AHR: variants seen among roughly 807,000 people sequenced by gnomAD.
AHR encodes the protein AH-receptor.
Under a neutral mutation model 86.8 loss-of-function variants are expected in AHR, and 40 were observed. That is an observed-to-expected ratio of 0.46 (90% confidence interval 0.36 to 0.60). The LOEUF (loss-of-function observed/expected upper bound fraction) is 0.60. Among genes scored for constraint, AHR ranks in the 20% least tolerant of loss-of-function variants. The pLI is 0.00. For missense variants in AHR, 1,001 were observed against 1,011.6 expected (o/e 0.99, Z 0.14); for synonymous variants, 398 against 354.9 (o/e 1.12, Z -1.37).
At chr7:17,340,868 G>C (rs1213036279) in intron 10 of AHR, among the ~76,000 whole-genome samples, 1 of 151,924 alleles carries the variant, frequency 6.6e-6, no homozygotes, top group African/African-American at 2.4e-5. Context: ...AGGTAACTCA[G>C]CTGGCTTTCT....
At chr7:17,299,479 C>A in intron 1 of AHR, 150 bp downstream of exon 1, 2 of 853,338 alleles carry the variant, frequency 2.3e-6, no homozygotes, top group Non-Finnish European at 3.5e-6. Context: ...TGGAGGCCGG[C>A]TGGGAGACAG....
In AHR at chr7:17,299,180, C is replaced by A; in HGVS notation, c.-85C>A. 7.0e-7 allele frequency: 1 copy of A among 1,434,796 alleles called. No individual in the cohort carries two copies. The highest frequency in any genetic ancestry group is 2.7e-5 in the East Asian group (1 of 36,530). 88.9% of individuals were successfully genotyped at this position (1,434,796 alleles called of 1,614,324 possible). A position where few individuals can be genotyped will look rare whatever the true frequency, so the allele number is the denominator to read the frequency against. ...CGGCTTCGCGGAACCCGGCGCCGGC[C>A]GCCGCAGTGGTCCCAGCCTACACCG... On this transcript the variant is annotated 5_prime_UTR_variant, in exon 1 of 11. Coordinates refer to ENST00000242057, the MANE Select transcript of AHR (RefSeq NM_001621.5).
chr7:17,305,934 T>G (rs1034264604), intron 1 of AHR, among the ~76,000 whole-genome samples: 2 of 152,158 alleles, frequency 1.3e-5, no homozygotes, highest in African/African-American at 4.8e-5. Flanking sequence ...CAGTTAAAGC[T>G]TGCAGGGCTT....
chr7:17,336,060 T>TA (rs1284348908), intron 9 of AHR: 4 of 277,120 alleles, frequency 1.4e-5, no homozygotes, highest in Non-Finnish European at 2.7e-5. Context: ...GTGTCATTGG[T>TA]AAAAAAGAAG....
chr7:17,307,092 G>C lies in AHR; in HGVS notation c.66-2844G>C, dbSNP rs114996787. Among the ~76,000 whole-genome samples, 349 of 152,186 alleles carry C rather than the reference G, an allele frequency of 2.3e-3. 2 individuals are homozygous for C. Among genetic ancestry groups the C allele is most frequent in the African/African-American group, 8.1e-3 (338 of 41,484 alleles). On this transcript the variant is annotated intron_variant, in intron 1 of 10. Transcript: ENST00000242057. ...GACAATTTTGCATTATGAAAAGCAA[G>C]CCTCAGAATCTAGTGTGAGGCTGAA...
At chr7:17,341,907 G>C (rs2092744223) in intron 10 of AHR, among the ~76,000 whole-genome samples, 1 of 152,090 alleles carries the variant, frequency 6.6e-6, no homozygotes, top group Non-Finnish European at 1.5e-5. Context: ...GACATGAATT[G>C]TGTTATGAGT....
At chr7:17,317,116 G>GTTTTTTTTTTTTTTT (rs66779121) in intron 2 of AHR, among the ~76,000 whole-genome samples, 5 of 123,684 alleles carry the variant, frequency 4.0e-5, no homozygotes, top group Non-Finnish European at 8.1e-5. Context: ...GGAGAATTTT[G>GTTTTTTTTTTTTTTT]TTTTTTTTTT....
Position 17,330,827 on chromosome 7 carries a change from A to AT in AHR, c.647dup (p.Met216IlefsTer15). On this transcript the variant is annotated frameshift_variant, in exon 6 of 11. Transcript: ENST00000242057. LOFTEE classifies it high-confidence loss of function. The stretch of plus-strand genomic sequence containing the variant: ...GATTCCTCCAGAAAACTCTCCTTTA[A>AT]TGGAGAGGTGCTTCATATGTCGTCT... The AT allele has an allele frequency of 6.2e-7, 1 of 1,612,442 alleles. No individual in the cohort carries two copies.
At chr7:17,322,393 TG>T (rs1562478188) in intron 2 of AHR, 107 bp from the exon 3 acceptor site, 1 of 687,490 alleles carries the variant, frequency 1.5e-6, no homozygotes, top group Non-Finnish European at 2.5e-6. Flanking sequence ...AAAATACCAG[TG>T]GATGCCAGTA....
rs180805424 is a variant in AHR, at chr7:17,326,454, C to A, written c.361-1305C>A. 2.5e-4 allele frequency among the ~76,000 whole-genome samples: 38 copies of A among 152,254 alleles called. No individual in the cohort carries two copies. In the East Asian group the frequency reaches 6.0e-3, roughly 24 times the overall value. ...TCCCAGTACTTAGCATACATATCTC[C>A]TCTTGGGTATGTAATAGTTTATTAC... On this transcript the variant is annotated intron_variant, in intron 3 of 10. Transcript: ENST00000242057.
intron 1 of AHR, among the ~76,000 whole-genome samples, chr7:17,303,209 A>G (rs1444699864): frequency 6.6e-6 from 1 of 152,052 alleles, no homozygotes; most frequent in African/African-American, 2.4e-5. Flanking sequence ...CTTCATTTTT[A>G]TAATAGTACT....
chr7:17,299,348 T>G lies in AHR; in HGVS notation c.65+19T>G, dbSNP rs1584026322. ...AGAAAACGTGAGTGTCCCGAGCGCGTCCTCATCGCGGGGGCTGGGCGCTCA... is the reference window on the plus strand; with the variant it reads ...AGAAAACGTGAGTGTCCCGAGCGCGGCCTCATCGCGGGGGCTGGGCGCTCA... On this transcript the variant is annotated intron_variant, in intron 1 of 10. Transcript: ENST00000242057. The G allele has an allele frequency of 1.9e-6, 3 of 1,610,552 alleles. No homozygotes were observed. The highest frequency in any genetic ancestry group is 1.7e-6 in the Non-Finnish European group (2 of 1,178,896).
At chr7:17,321,594 T>TAC (rs71309046) in intron 2 of AHR, among the ~76,000 whole-genome samples, 4,834 of 147,694 alleles carry the variant, frequency 0.033, 220 homozygotes, top group African/African-American at 0.11. Context: ...ACCACACACA[T>TAC]ACACACACAC....
intron 4 of AHR, 121 bp downstream of exon 4, chr7:17,327,969 T>G (rs576539886): frequency 3.4e-6 from 1 of 291,426 alleles, no homozygotes; most frequent in African/African-American, 2.2e-5. Context: ...ATACAGTATG[T>G]ATTTGTAGCT....
intron 2 of AHR, among the ~76,000 whole-genome samples, chr7:17,319,594 A>G (rs1054820326): frequency 6.6e-5 from 10 of 152,152 alleles, no homozygotes; most frequent in South Asian, 2.1e-4. Flanking sequence ...TGTGTGCCCA[A>G]TATCACATAT....
chr7:17,309,523 G>A (rs572926456), intron 1 of AHR, among the ~76,000 whole-genome samples: 26 of 152,282 alleles, frequency 1.7e-4, no homozygotes, highest in African/African-American at 6.3e-4. Context: ...CGTCAATGAT[G>A]CTGAGATGCT....
chr7:17,326,336 T>C (rs1782229898), intron 3 of AHR, among the ~76,000 whole-genome samples: 1 of 152,228 alleles, frequency 6.6e-6, no homozygotes, highest in Non-Finnish European at 1.5e-5. Flanking sequence ...AGACAGTCAC[T>C]GTATTTCATT....
At chr7:17,326,761 C>G (rs891614970) in intron 3 of AHR, among the ~76,000 whole-genome samples, 5 of 152,106 alleles carry the variant, frequency 3.3e-5, no homozygotes, top group African/African-American at 1.2e-4. Flanking sequence ...CAGACCAAAT[C>G]TGTCTGACTA....
intron 3 of AHR, 28 bp from the exon 4 acceptor site, chr7:17,327,731 C>A: frequency 7.6e-7 from 1 of 1,315,590 alleles, no homozygotes; most frequent in Non-Finnish European, 1.1e-6. Context: ...AGTCATATTA[C>A]TAATTTTAGA....
Sources: allele counts gnomAD v4.1 joint callset (sites outside exome capture counted in the v4.1 genomes callset), GRCh38; gene constraint gnomAD v4.1.1; transcripts MANE v1.5; gene names NCBI Gene and HGNC (gene_info 2026-07-23, HGNC 2026-07-21).